Variants in YPEL1 observed in about 807,000 individuals in gnomAD.
The protein encoded by YPEL1 is protein yippee-like 1.
YPEL1 carries 7 observed loss-of-function variants against 17.3 expected under a neutral mutation model. That is an observed-to-expected ratio of 0.40 (90% CI 0.23 to 0.76). The LOEUF is 0.76. Ranked by LOEUF, YPEL1 falls within the 30% of genes least tolerant of loss-of-function variation. YPEL1 has a pLI of 0.35. For missense variants in YPEL1, 91 were observed against 155.5 expected, an observed-to-expected ratio of 0.59 and a Z score of 2.21; for synonymous variants, 59 against 59.6, an observed-to-expected ratio of 0.99 and a Z score of 0.05.
rs1448569806 is a variant in YPEL1 at position 21,703,384 on chromosome 22, G to C, written c.256C>G (p.Leu86Val). 1 of 1,613,518 alleles carries C rather than the reference G, an allele frequency of 6.2e-7. No individual in the cohort carries two copies. The highest frequency in any genetic ancestry group is 1.7e-5 in the Admixed American group (1 of 60,026). Reference sequence around the variant, plus strand: ...GTGGCACTCACGTATTTCCACCCGAGCGTGGTCTTGCAGTTCTCGCAGTAG... The same window carrying C: ...GTGGCACTCACGTATTTCCACCCGACCGTGGTCTTGCAGTTCTCGCAGTAG... Reference protein sequence around the residue: ...DIYCENCKTTLGWKYEHAFES... With the variant: ...DIYCENCKTTVGWKYEHAFES... Residue 86 changes from leucine (L) to valine (V), a missense_variant, in exon 4 of 5, where the codon CTC (leucine) becomes GTC (valine). Leu to Val is a conservative substitution (Grantham distance 32). Transcript: ENST00000339468. The surrounding 1 kb of genome is among the most constrained non-coding windows in gnomAD (Gnocchi z 6.1).
chr22:21,698,050 C>G lies in YPEL1; in HGVS notation c.*3079G>C, dbSNP rs2068006349. ...CATTTATAACCCTGACATCACCTCC[C>G]AAGGCTCTCAAGGAAGATTTATTTT... On this transcript the variant is annotated 3_prime_UTR_variant, in exon 5 of 5. Transcript: ENST00000339468. 1 of 152,240 alleles carries G rather than the reference C, an allele frequency of 6.6e-6. No individual in the cohort carries two copies. Among genetic ancestry groups the G allele is most frequent in the African/African-American group, 2.4e-5 (1 of 41,408 alleles). The allele number at this position is 152,240 out of a possible 1,614,324, so 9.4% of individuals were successfully genotyped here. A position where few individuals can be genotyped will look rare whatever the true frequency, so the allele number is the denominator to read the frequency against.
At chr22:21,710,938 TAC>T (rs1472407344) in intron 1 of YPEL1, 30 bp from the exon 2 acceptor site, 4 of 621,068 alleles carry the variant, frequency 6.4e-6, no homozygotes, top group Non-Finnish European at 1.2e-5. Flanking sequence ...AGTGGTGGGT[TAC>T]AGAGAGAACA....
chr22:21,717,167 G>A (rs553591678), intron 1 of YPEL1, among the ~76,000 whole-genome samples: 69 of 152,066 alleles, frequency 4.5e-4, no homozygotes, highest in Non-Finnish European at 7.6e-4. Context: ...CACAAGGTCA[G>A]GAGTTCGAGA....
At chr22:21,710,581 T>C in intron 2 of YPEL1, 47 bp downstream of exon 2, 1 of 1,462,232 alleles carries the variant, frequency 6.8e-7, no homozygotes, top group East Asian at 2.3e-5. Flanking sequence ...GGTACCACAA[T>C]GACAGATAAT....
At chr22:21,729,003 C>A (rs1028154484) in intron 1 of YPEL1, among the ~76,000 whole-genome samples, 2 of 152,120 alleles carry the variant, frequency 1.3e-5, no homozygotes, top group African/African-American at 4.8e-5. Context: ...ATTAGCCGGG[C>A]ATGGTGGTGT....
intron 1 of YPEL1, among the ~76,000 whole-genome samples, chr22:21,724,039 C>T (rs1268700231): frequency 6.6e-6 from 1 of 152,030 alleles, no homozygotes; most frequent in East Asian, 1.9e-4. Flanking sequence ...CTCATCTGTA[C>T]GTACCATGTA....
At chr22:21,733,289 T>A (rs944939314) in intron 1 of YPEL1, among the ~76,000 whole-genome samples, 8 of 151,448 alleles carry the variant, frequency 5.3e-5, no homozygotes, top group Non-Finnish European at 1.0e-4. Context: ...TGGTGGCACA[T>A]GCCTGTAATC....
At chr22:21,727,456 C>T (rs192916308) in intron 1 of YPEL1, among the ~76,000 whole-genome samples, 1 of 152,352 alleles carries the variant, frequency 6.6e-6, no homozygotes, top group Admixed American at 6.5e-5. Context: ...TCTCCACTCT[C>T]GGACACTGTG....
At chr22:21,714,668 C>T (rs1021072452) in intron 1 of YPEL1, among the ~76,000 whole-genome samples, 5 of 152,152 alleles carry the variant, frequency 3.3e-5, no homozygotes, top group African/African-American at 7.2e-5. Context: ...AGCAGATGCC[C>T]GTGCACACAG....
intron 1 of YPEL1, among the ~76,000 whole-genome samples, chr22:21,734,403 G>A (rs1369459109): frequency 2.6e-5 from 4 of 152,198 alleles, no homozygotes; most frequent in African/African-American, 7.2e-5. Context: ...GGGATTGTCT[G>A]TACTATCTTT....
At chr22:21,707,438 C>CA (rs531434212) in intron 2 of YPEL1, among the ~76,000 whole-genome samples, 57 of 152,238 alleles carry the variant, frequency 3.7e-4, no homozygotes, top group African/African-American at 1.2e-3. Flanking sequence ...ACAGCAACAA[C>CA]AAAAAACAAG....
intron 1 of YPEL1, among the ~76,000 whole-genome samples, chr22:21,721,431 T>TC (rs2068282472): frequency 1.4e-4 from 1 of 6,934 alleles, no homozygotes; most frequent in African/African-American, 3.6e-4. Context: ...TTTTCTTTTT[T>TC]TTTTTTTTTT....
rs142810064 is a variant in YPEL1, at chr22:21,729,875, C to T, written c.-165+5740G>A. On this transcript the variant is annotated intron_variant, in intron 1 of 4. Coordinates refer to ENST00000339468, the MANE Select transcript of YPEL1 (RefSeq NM_013313.5). ...CAAGTTTAACCAATAGAGGCTAGCA[C>T]GGTGGCTCACATCTGTAATCCCAGC... 2.3e-3 allele frequency among the ~76,000 whole-genome samples: 352 copies of T among 152,186 alleles called. 5 individuals carry two copies. The highest frequency in any genetic ancestry group is 8.2e-3 in the African/African-American group (342 of 41,534).
In YPEL1 at chr22:21,710,857, C is replaced by T. The variant is rs1391215620; in HGVS notation, c.-113G>A. 11 of 935,568 alleles carry T rather than the reference C, an allele frequency of 1.2e-5. No homozygotes were observed. The highest frequency in any genetic ancestry group is 1.9e-5 in the Non-Finnish European group (11 of 571,530). The allele number at this position is 935,568 out of a possible 1,614,324, so 58.0% of individuals were successfully genotyped here. A position where few individuals can be genotyped will look rare whatever the true frequency, so the allele number is the denominator to read the frequency against. On this transcript the variant is annotated 5_prime_UTR_variant, in exon 2 of 5. Transcript: ENST00000339468. ...AATGCACGCAAGAGCCGTCGTTGTC[C>T]AGGAGGGCGTGTGGCACTGTCCACA... is the stretch of plus-strand genomic sequence containing the variant.
intron 1 of YPEL1, among the ~76,000 whole-genome samples, chr22:21,735,079 C>A (rs533182562): frequency 1.3e-5 from 2 of 152,240 alleles, no homozygotes; most frequent in Admixed American, 1.3e-4. Context: ...ATGGGGGAGG[C>A]GGACCCTGTT....
At chr22:21,715,416 C>T (rs1385630517) in intron 1 of YPEL1, among the ~76,000 whole-genome samples, 1 of 151,512 alleles carries the variant, frequency 6.6e-6, no homozygotes, top group Non-Finnish European at 1.5e-5. Flanking sequence ...ATCACTTGAA[C>T]CCGGGAGGCG....
intron 1 of YPEL1, among the ~76,000 whole-genome samples, chr22:21,735,340 G>A (rs1033795833): frequency 6.6e-6 from 1 of 152,088 alleles, no homozygotes; most frequent in Admixed American, 6.5e-5. Context: ...TTTTCACGGC[G>A]GGGCGGGAGA....
intron 2 of YPEL1, 185 bp from the exon 3 acceptor site, chr22:21,704,067 G>T: frequency 1.4e-6 from 1 of 735,746 alleles, no homozygotes; most frequent in Non-Finnish European, 2.5e-6. Context: ...GGAGCTGCAA[G>T]CTGTTTTTCA....
At chr22:21,718,854 T>C (rs576829806) in intron 1 of YPEL1, among the ~76,000 whole-genome samples, 1 of 152,262 alleles carries the variant, frequency 6.6e-6, no homozygotes, top group African/African-American at 2.4e-5. Context: ...TGTTAAAGAA[T>C]TTCTGAAAAA....
Sources: allele counts gnomAD v4.1 joint callset (sites outside exome capture counted in the v4.1 genomes callset), GRCh38; gene constraint gnomAD v4.1.1; non-coding constraint Gnocchi (gnomAD v3.1); transcripts MANE v1.5; gene names NCBI Gene and HGNC (gene_info 2026-07-23, HGNC 2026-07-21).